ABCA4: variants seen among roughly 807,000 people sequenced by gnomAD.
ABCA4 encodes ATP binding cassette subfamily A member 4.
In ABCA4, 196 loss-of-function variants were observed where a neutral mutation model predicts 263.7. The ratio of observed to expected loss-of-function variants is 0.74; its 90% CI spans 0.66 to 0.84. The LOEUF is 0.84. Ranked by LOEUF, ABCA4 falls within the 40% of genes least tolerant of loss-of-function variation. The pLI is 0.00. For synonymous variants in ABCA4, 1,133 were observed against 1,094.2 expected (o/e 1.04, Z -0.70); for missense variants, 2,792 against 2,855.1 (o/e 0.98, Z 0.50).
intron 1 of ABCA4, among the ~76,000 whole-genome samples, chr1:94,120,467 T>G (rs989250242): frequency 1.3e-5 from 2 of 152,242 alleles, no homozygotes; most frequent in African/African-American, 2.4e-5. Context: ...TGTGTCCAGT[T>G]AAACTGTGAC....
At chr1:94,109,959 C>T (rs1662558118) in intron 3 of ABCA4, among the ~76,000 whole-genome samples, 2 of 152,242 alleles carry the variant, frequency 1.3e-5, no homozygotes, top group South Asian at 4.1e-4. Context: ...CCAACTCCCA[C>T]CCCTCAGTTT....
chr1:94,112,183 C>T (rs2101164772), intron 2 of ABCA4, among the ~76,000 whole-genome samples: 1 of 152,302 alleles, frequency 6.6e-6, no homozygotes, highest in East Asian at 1.9e-4. Context: ...GGCTTTCCCA[C>T]AGGGGCAGAG....
At chr1:94,114,766 C>T (rs944224205) in intron 1 of ABCA4, among the ~76,000 whole-genome samples, 11 of 152,206 alleles carry the variant, frequency 7.2e-5, no homozygotes, top group Non-Finnish European at 1.2e-4. Context: ...GGATTACAGG[C>T]GTGAGCCACC....
At chr1:94,079,065 T>G (rs777677389) in intron 9 of ABCA4, among the ~76,000 whole-genome samples, 3 of 152,058 alleles carry the variant, frequency 2.0e-5, no homozygotes, top group Non-Finnish European at 2.9e-5. Flanking sequence ...AACCCTTCCA[T>G]TAGGGATATA....
At chr1:94,059,672 G>A (rs572893367) in intron 14 of ABCA4, 9 of 152,380 alleles carry the variant, frequency 5.9e-5, no homozygotes, top group African/African-American at 2.2e-4. Context: ...TCATGATGGG[G>A]AAGAAGTAGA....
chr1:94,033,163 T>C (rs1660250104), intron 26 of ABCA4, among the ~76,000 whole-genome samples: 1 of 152,216 alleles, frequency 6.6e-6, no homozygotes, highest in African/African-American at 2.4e-5. Flanking sequence ...CTCATGCCTG[T>C]AATCCCAGCA....
intron 3 of ABCA4, among the ~76,000 whole-genome samples, 200 bp from the exon 4 acceptor site, chr1:94,108,916 G>C (rs1662517673): frequency 6.6e-6 from 1 of 151,992 alleles, no homozygotes; most frequent in Non-Finnish European, 1.5e-5. Flanking sequence ...GGGACTACAG[G>C]CGCCCGCCAC....
intron 45 of ABCA4, 40 bp downstream of exon 45, chr1:94,001,818 C>G: frequency 5.6e-6 from 9 of 1,614,082 alleles, no homozygotes; most frequent in Non-Finnish European, 7.6e-6. Context: ...AGACCCAGCA[C>G]TTGGTTTAAG....
chr1:94,108,719 G>A lies in ABCA4; in HGVS notation c.303-3C>T, dbSNP rs777945195. 10 of 1,613,792 alleles carry A rather than the reference G, an allele frequency of 6.2e-6. No individual in the cohort carries two copies. The highest frequency in any genetic ancestry group is 1.1e-5 in the South Asian group (1 of 91,068). The stretch of plus-strand genomic sequence containing the variant: ...AATCTCGATATACCCTTGCCAAGCT[G>A]TAAGGACAAAGCCTCATTAATAAGG... On this transcript the variant is annotated splice_polypyrimidine_tract_variant and splice_region_variant and intron_variant, in intron 3 of 49. Transcript: ENST00000370225.
In ABCA4 at chr1:94,008,282, A is replaced by G. The variant is rs768097538; in HGVS notation, c.5851T>C (p.Ser1951Pro). 6 of 1,614,040 alleles carry G rather than the reference A, an allele frequency of 3.7e-6. No homozygotes were observed. The highest frequency in any genetic ancestry group is 5.1e-6 in the Non-Finnish European group (6 of 1,180,026). Residue 1951 changes from serine (S) to proline (P), a missense_variant, in exon 42 of 50, where the codon TCC becomes CCC. Ser to Pro is a moderately conservative substitution (Grantham distance 74). Transcript: ENST00000370225. The stretch of plus-strand genomic sequence containing the variant: ...CACAGCCTGTCCACTGCTGGGCTGG[A>G]GGTGCCTGGATAAATCTGCAAGATA... ...HELTKIYPGT[S>P]SPAVDRLCVG...
intron 25 of ABCA4, 138 bp from the exon 26 acceptor site, chr1:94,036,926 T>C (rs1185353325): frequency 1.0e-6 from 1 of 966,456 alleles, no homozygotes; most frequent in East Asian, 2.5e-5. Context: ...AACATCATCT[T>C]CTATAAATAC....
chr1:94,093,054 C>A (rs1374334439), intron 6 of ABCA4, among the ~76,000 whole-genome samples: 1 of 152,110 alleles, frequency 6.6e-6, no homozygotes, highest in East Asian at 1.9e-4. Flanking sequence ...AGTCTCTCAG[C>A]CACTAAGAGA....
chr1:94,045,670 G>A (rs1660651007), intron 19 of ABCA4: 2 of 445,364 alleles, frequency 4.5e-6, no homozygotes, highest in African/African-American at 4.0e-5. Flanking sequence ...AACTTGTCCT[G>A]ATGGAGAAGC....
At chr1:94,037,464 T>G (rs1660371698) in intron 24 of ABCA4, 114 bp from the exon 25 acceptor site, 4 of 967,732 alleles carry the variant, frequency 4.1e-6, no homozygotes. Flanking sequence ...AGGTATTTTG[T>G]ATCTCGGCAG....
At chr1:94,116,695 C>T (rs1221399567) in intron 1 of ABCA4, among the ~76,000 whole-genome samples, 7 of 152,152 alleles carry the variant, frequency 4.6e-5, no homozygotes. Flanking sequence ...TGCTCAGCTT[C>T]CCCTCCCCAG....
At chr1:94,090,369 A>C (rs188039048) in intron 6 of ABCA4, among the ~76,000 whole-genome samples, 170 of 152,228 alleles carry the variant, frequency 1.1e-3, no homozygotes, top group African/African-American at 3.8e-3. Context: ...AAAAAAAAAA[A>C]AAACTTCAAA....
chr1:94,025,094 C>T, intron 30 of ABCA4, 46 bp from the exon 31 acceptor site: 1 of 1,522,050 alleles, frequency 6.6e-7, no homozygotes, highest in Non-Finnish European at 9.1e-7. Flanking sequence ...AACTTGAGGA[C>T]TTATAAGTAG....
intron 32 of ABCA4, 61 bp downstream of exon 32, chr1:94,023,325 T>G: frequency 7.1e-7 from 1 of 1,403,366 alleles, no homozygotes; most frequent in East Asian, 2.3e-5. Flanking sequence ...TTTAAAAGTG[T>G]GCAATTATTT....
chr1:94,107,333 C>T (rs1281684215), intron 4 of ABCA4, among the ~76,000 whole-genome samples: 2 of 152,176 alleles, frequency 1.3e-5, no homozygotes, highest in African/African-American at 4.8e-5. Context: ...ACGCTCCACA[C>T]CCAAAGCTGC....
Sources: gnomAD v4.1 joint callset for allele counts (sites outside exome capture counted in the v4.1 genomes callset) on GRCh38, gnomAD v4.1.1 for gene constraint, MANE v1.5 for transcripts, NCBI Gene and HGNC (gene_info 2026-07-23, HGNC 2026-07-21) for gene names.